TTC7B: variants seen among roughly 807,000 people sequenced by gnomAD.
The protein encoded by TTC7B is tetratricopeptide repeat domain 7B.
A neutral mutation model predicts 106.8 loss-of-function variants in TTC7B; 28 were observed. That is an observed-to-expected ratio of 0.26 (90% CI 0.19 to 0.36). The LOEUF is 0.36. TTC7B is among the 10% of genes least tolerant of loss of function. The pLI is 1.00. For missense variants in TTC7B, 862 were observed against 1,076.4 expected (o/e 0.80, Z 2.79); for synonymous variants, 405 against 430.6 (o/e 0.94, Z 0.74).
chr14:90,802,926 A>C lies in TTC7B; in HGVS notation c.121+13249T>G, dbSNP rs1032641942. Among the ~76,000 whole-genome samples, 1 of 151,496 alleles carries C rather than the reference A, an allele frequency of 6.6e-6. No homozygotes were observed. The highest frequency in any genetic ancestry group is 1.5e-5 in the Non-Finnish European group (1 of 67,918). ...GAGGCCGAAGCAGGCGGATCACCTAAGGTCAGAAGTTCGAGACCAACATGG... is the reference window on the plus strand; with the variant it reads ...GAGGCCGAAGCAGGCGGATCACCTACGGTCAGAAGTTCGAGACCAACATGG... On this transcript the variant is annotated intron_variant, in intron 1 of 19. Coordinates refer to ENST00000328459, the MANE Select transcript of TTC7B (RefSeq NM_001010854.2). This position sits in a 1 kb window ranked among gnomAD's most constrained non-coding sequence, Gnocchi z 4.7.
chr14:90,546,018 C>A (rs368076987), intron 19 of TTC7B, among the ~76,000 whole-genome samples: 2 of 152,214 alleles, frequency 1.3e-5, no homozygotes, highest in African/African-American at 4.8e-5. Context: ...AGGGAGACAT[C>A]GCAGACTTGC....
chr14:90,780,604 G>T, intron 3 of TTC7B, 134 bp downstream of exon 3: 1 of 999,910 alleles, frequency 1.0e-6, no homozygotes, highest in Non-Finnish European at 1.5e-6. Context: ...ATGTGCTGCA[G>T]GGCGGCCCCA....
rs191651051 is a variant in TTC7B, at chr14:90,793,180, C to T, written c.122-6852G>A. ...GCTTCCCATTTACCTTCCACCATGA[C>T]TGTGAGTTTCCTGAGACCTCCCCAG... On this transcript the variant is annotated intron_variant, in intron 1 of 19. Coordinates refer to ENST00000328459, the MANE Select transcript of TTC7B (RefSeq NM_001010854.2). Among the ~76,000 whole-genome samples the T allele has an allele frequency of 2.1e-4, 32 of 152,256 alleles. 1 individual carries two copies. The Middle Eastern group carries it at 0.014, about 65-fold the overall frequency.
intron 1 of TTC7B, among the ~76,000 whole-genome samples, chr14:90,810,107 T>A (rs1010668928): frequency 3.9e-5 from 6 of 152,234 alleles, no homozygotes; most frequent in Non-Finnish European, 5.9e-5. Context: ...ATTTATGGGA[T>A]GGCAGAAACC....
At chr14:90,573,516 C>T (rs576098136) in intron 19 of TTC7B, among the ~76,000 whole-genome samples, 15 of 125,178 alleles carry the variant, frequency 1.2e-4, no homozygotes, top group East Asian at 4.1e-4. Flanking sequence ...GGTCCCTCTC[C>T]GGCTCACGGT....
At chr14:90,631,270 G>A (rs1005419348) in intron 15 of TTC7B, among the ~76,000 whole-genome samples, 2 of 152,104 alleles carry the variant, frequency 1.3e-5, no homozygotes, top group Non-Finnish European at 2.9e-5. Context: ...CTGTGAACAC[G>A]GGTGTATAGA....
At chr14:90,780,287 A>G (rs1301198068) in intron 3 of TTC7B, among the ~76,000 whole-genome samples, 6 of 152,056 alleles carry the variant, frequency 3.9e-5, no homozygotes, top group Non-Finnish European at 7.4e-5. Flanking sequence ...AGGTTGAGGC[A>G]GGAGAATCAC....
At chr14:90,550,853 G>A (rs934593244) in intron 19 of TTC7B, among the ~76,000 whole-genome samples, 1 of 152,170 alleles carries the variant, frequency 6.6e-6, no homozygotes, top group Non-Finnish European at 1.5e-5. Flanking sequence ...ATGCTGTGGG[G>A]TAGTAGGGAA....
chr14:90,737,743 G>C (rs1187713705), intron 4 of TTC7B, among the ~76,000 whole-genome samples: 1 of 151,986 alleles, frequency 6.6e-6, no homozygotes, highest in Non-Finnish European at 1.5e-5. Flanking sequence ...ATTTTTAGTA[G>C]AGACGGGGTT....
intron 16 of TTC7B, among the ~76,000 whole-genome samples, chr14:90,612,934 C>T (rs1892932680): frequency 6.6e-6 from 1 of 152,214 alleles, no homozygotes; most frequent in African/African-American, 2.4e-5. Flanking sequence ...TTTTGAACCT[C>T]ACCCCCTGAC....
Position 90,782,531 on chromosome 14 carries a change from G to A in TTC7B, c.277-1625C>T, listed in dbSNP as rs554050862. Among the ~76,000 whole-genome samples, 41 of 152,234 alleles carry A rather than the reference G, an allele frequency of 2.7e-4. No individual in the cohort carries two copies. The South Asian group carries it at 3.3e-3, about 12-fold the overall frequency. On this transcript the variant is annotated intron_variant, in intron 2 of 19. Coordinates refer to ENST00000328459, the MANE Select transcript of TTC7B (RefSeq NM_001010854.2). ...CAAGAATCACTTGAACCCAGGAGGC[G>A]GAGGTTGCAGTGAGCCAAGATCACG...
chr14:90,769,734 G>C (rs2140025046), intron 3 of TTC7B, among the ~76,000 whole-genome samples: 1 of 152,052 alleles, frequency 6.6e-6, no homozygotes, highest in African/African-American at 2.4e-5. Flanking sequence ...ACACCACTGT[G>C]CTGCAGCCTG....
chr14:90,719,185 G>C (rs1478363944), intron 5 of TTC7B, among the ~76,000 whole-genome samples: 1 of 152,074 alleles, frequency 6.6e-6, no homozygotes, highest in Non-Finnish European at 1.5e-5. Context: ...GACATGGGAG[G>C]ATTGCTTAGC....
intron 5 of TTC7B, among the ~76,000 whole-genome samples, chr14:90,701,180 G>A (rs2139954615): frequency 6.6e-6 from 1 of 152,294 alleles, no homozygotes; most frequent in East Asian, 1.9e-4. Flanking sequence ...ACGCCGAGAT[G>A]AGAACAAGCA....
In TTC7B at chr14:90,802,199, C is replaced by T. The variant is rs538425767; in HGVS notation, c.121+13976G>A. 1.3e-5 allele frequency among the ~76,000 whole-genome samples: 2 copies of T among 152,258 alleles called. No individual in the cohort carries two copies. The highest frequency in any genetic ancestry group is 4.8e-5 in the African/African-American group (2 of 41,566). ...CGACGTGAGGCATCTCAGGGGACTG[C>T]GGGGTACAAGCCTAACTCACTGGAC... On this transcript the variant is annotated intron_variant, in intron 1 of 19. Transcript: ENST00000328459. This position sits in a 1 kb window ranked among gnomAD's most constrained non-coding sequence, Gnocchi z 4.7.
At chr14:90,587,081 C>A (rs1256557723) in intron 18 of TTC7B, among the ~76,000 whole-genome samples, 1 of 152,202 alleles carries the variant, frequency 6.6e-6, no homozygotes, top group East Asian at 1.9e-4. Flanking sequence ...CCAATGCTCC[C>A]AATTTCCTGC....
Position 90,807,688 on chromosome 14 carries a change from A to G in TTC7B, c.121+8487T>C, listed in dbSNP as rs2140062818. ...AGAGCAAAGGCTCCCACACTTGCCT[A>G]CTCAAACTAACTGAGGCTGTTTACA... On this transcript the variant is annotated intron_variant, in intron 1 of 19. Transcript: ENST00000328459. This position sits in a 1 kb window ranked among gnomAD's most constrained non-coding sequence, Gnocchi z 4.1. 2.0e-5 allele frequency among the ~76,000 whole-genome samples: 3 copies of G among 152,364 alleles called. 1 individual carries two copies. Among genetic ancestry groups the G allele is most frequent in the Admixed American group, 2.0e-4 (3 of 15,306 alleles).
intron 4 of TTC7B, among the ~76,000 whole-genome samples, chr14:90,730,661 C>T (rs1889290818): frequency 6.6e-6 from 1 of 152,168 alleles, no homozygotes; most frequent in African/African-American, 2.4e-5. Context: ...GTGCTGTGAT[C>T]TGCACTAGCC....
intron 3 of TTC7B, among the ~76,000 whole-genome samples, chr14:90,749,178 T>C (rs1175768031): frequency 6.6e-6 from 1 of 152,202 alleles, no homozygotes; most frequent in Non-Finnish European, 1.5e-5. Flanking sequence ...TCTTTATCAC[T>C]GGTTGTGAGT....
Sources: gnomAD v4.1 joint callset for allele counts (sites outside exome capture counted in the v4.1 genomes callset) on GRCh38, gnomAD v4.1.1 for gene constraint, Gnocchi (gnomAD v3.1) non-coding constraint, MANE v1.5 for transcripts, NCBI Gene and HGNC (gene_info 2026-07-23, HGNC 2026-07-21) for gene names.